Variants in DNMT1 observed in about 807,000 individuals in gnomAD.
DNMT1 encodes DNA (cytosine-5)-methyltransferase 1.
A neutral mutation model predicts 205.3 loss-of-function variants in DNMT1; 24 were observed. The observed-to-expected ratio is 0.12, with a 90% CI of 0.08 to 0.16. The LOEUF is 0.16. DNMT1 is among the 10% of genes least tolerant of loss of function. The pLI is 1.00. For synonymous variants in DNMT1, 817 were observed against 839.8 expected (o/e 0.97, Z 0.47); for missense variants, 1,293 against 2,177.7 (o/e 0.59, Z 8.09).
rs1222591228 is a variant in DNMT1, at chr19:10,135,230, A to G, written c.4773+506T>C. 2.8e-5 allele frequency among the ~76,000 whole-genome samples: 4 copies of G among 140,598 alleles called. No homozygotes were observed. In the East Asian group the frequency reaches 8.7e-4, roughly 30 times the overall value. 92.2% of individuals were successfully genotyped at this position (140,598 alleles called of 152,430 possible). A position where few individuals can be genotyped will look rare whatever the true frequency, so the allele number is the denominator to read the frequency against. On this transcript the variant is annotated intron_variant, in intron 39 of 40. Transcript: ENST00000359526. ...TCCATCTCAAAAAAAAAAAAAAAAA[A>G]GAGAGAGTGGCTGCTTCCCGAGAAC...
intron 5 of DNMT1, 180 bp downstream of exon 5, chr19:10,180,000 AAAAAAAG>A (rs1180851196): frequency 1.2e-5 from 3 of 241,306 alleles, no homozygotes; most frequent in South Asian, 5.1e-5. Flanking sequence ...TAAAAAAAAA[AAAAAAAG>A]AAAGAAAGAA....
chr19:10,174,448 G>A (rs1016459044), intron 7 of DNMT1, among the ~76,000 whole-genome samples: 1 of 152,038 alleles, frequency 6.6e-6, no homozygotes, highest in African/African-American at 2.4e-5. Context: ...AGACAGAACT[G>A]TAATCCCAAC....
At chr19:10,165,381 C>T (rs1257263333) in intron 11 of DNMT1, among the ~76,000 whole-genome samples, 1 of 152,110 alleles carries the variant, frequency 6.6e-6, no homozygotes, top group African/African-American at 2.4e-5. Context: ...CTGGGCACTG[C>T]TTTTATTATT....
rs202093243 is a variant in DNMT1 at position 10,143,906 on chromosome 19, G to A, written c.2976C>T (p.Tyr992=). 1.7e-5 allele frequency: 27 copies of A among 1,614,152 alleles called. 1 individual carries two copies. In the African/African-American group the frequency reaches 2.4e-4, roughly 14 times the overall value. ...GGTTGCTGCCTTTGATGTAGTCGGA[G>A]TATTTCCGGTAGTGCTCTGGGTACA... The part of the protein sequence containing the change: ...EDLYPEHYRK[Y]SDYIKGSNLD... Residue 992 remains tyrosine (Y), a synonymous_variant, in exon 29 of 41, where the codon TAC becomes TAT. Coordinates refer to ENST00000359526, the MANE Select transcript of DNMT1 (RefSeq NM_001130823.3).
At chr19:10,163,041 TGCAACCTCCACCTCCTGGCTTCTA>T in intron 12 of DNMT1, 1 of 546,360 alleles carries the variant, frequency 1.8e-6, no homozygotes, top group Non-Finnish European at 3.2e-6. Context: ...CTTGGCTCAC[TGCAACCTCCACCTCCTGGCTTCTA>T]GCAGTTCTGC....
At chr19:10,136,815 A>G (rs1280162855) in intron 37 of DNMT1, among the ~76,000 whole-genome samples, 1 of 151,316 alleles carries the variant, frequency 6.6e-6, no homozygotes, top group African/African-American at 2.4e-5. Context: ...CTGGAGTGCA[A>G]TGGCACAATC....
chr19:10,153,400 G>A (rs573821790), intron 22 of DNMT1, among the ~76,000 whole-genome samples: 9 of 152,218 alleles, frequency 5.9e-5, no homozygotes, highest in East Asian at 5.8e-4. Context: ...TTGGGAGGCC[G>A]AGGTAGGTAG....
intron 1 of DNMT1, among the ~76,000 whole-genome samples, chr19:10,185,160 T>C (rs2039153988): frequency 6.6e-6 from 1 of 152,176 alleles, no homozygotes; most frequent in Admixed American, 6.5e-5. Flanking sequence ...GCACGGTGGC[T>C]CACGCCTGTA....
chr19:10,144,664 G>A (rs757794498), intron 28 of DNMT1: 2 of 155,904 alleles, frequency 1.3e-5, no homozygotes, highest in South Asian at 2.0e-4. Flanking sequence ...TGACTCCAGC[G>A]GCCCAGATAT....
At chr19:10,186,848 A>AAAAAAAAAAAAAAAAAAAC (rs2039194155) in intron 1 of DNMT1, among the ~76,000 whole-genome samples, 1 of 151,076 alleles carries the variant, frequency 6.6e-6, no homozygotes, top group African/African-American at 2.4e-5. Flanking sequence ...CAAAAAAAAA[A>AAAAAAAAAAAAAAAAAAAC]AAAAAAAAAA....
chr19:10,192,904 A>C (rs1379227483), intron 1 of DNMT1, among the ~76,000 whole-genome samples: 1 of 151,986 alleles, frequency 6.6e-6, no homozygotes, highest in African/African-American at 2.4e-5. Context: ...AAAATTAGCC[A>C]GGCGTGGTGG....
intron 2 of DNMT1, among the ~76,000 whole-genome samples, chr19:10,181,819 ACT>A (rs2039052110): frequency 6.6e-6 from 1 of 151,982 alleles, no homozygotes; most frequent in African/African-American, 2.4e-5. Flanking sequence ...ACAGAGTGAG[ACT>A]CTGTCTCAAA....
At chr19:10,183,695 G>A (rs1303154735) in intron 1 of DNMT1, among the ~76,000 whole-genome samples, 2 of 152,020 alleles carry the variant, frequency 1.3e-5, no homozygotes, top group Non-Finnish European at 2.9e-5. Flanking sequence ...TGGCCAACAT[G>A]GCGAAACCCC....
At chr19:10,155,274 A>G (rs188087246) in intron 19 of DNMT1, among the ~76,000 whole-genome samples, 11 of 152,172 alleles carry the variant, frequency 7.2e-5, no homozygotes, top group Non-Finnish European at 1.6e-4. Context: ...GTAGGCCTTC[A>G]TTGAGCTCAT....
chr19:10,164,913 TAAAAAAAAAAAAAAAAAAA>T (rs535161745), intron 11 of DNMT1, among the ~76,000 whole-genome samples: 2,451 of 33,954 alleles, frequency 0.072, 57 homozygotes, highest in Non-Finnish European at 0.089. Context: ...GAGACTATCT[TAAAAAAAAAAAAAAAAAAA>T]AAAAAAAAAA....
rs7248120 is a variant in DNMT1 at position 10,173,785 on chromosome 19, C to T, written c.683+86G>A. On this transcript the variant is annotated intron_variant, in intron 8 of 40. Transcript: ENST00000359526. The stretch of plus-strand genomic sequence containing the variant: ...GAGATTACAGGCATGAGTCACCGTG[C>T]CCGGCCTTAAACTTTCTGAAAAAGT... The T allele has an allele frequency of 0.082, 121,471 of 1,477,178 alleles. 5,623 individuals carry two copies. Among genetic ancestry groups the T allele is most frequent in the Non-Finnish European group, 0.095 (100,416 of 1,057,664 alleles). 91.5% of individuals were successfully genotyped at this position (1,477,178 alleles called of 1,614,324 possible).
chr19:10,153,232 CA>C (rs2038386580), intron 22 of DNMT1, among the ~76,000 whole-genome samples: 1 of 152,162 alleles, frequency 6.6e-6, no homozygotes, highest in Non-Finnish European at 1.5e-5. Flanking sequence ...AGGTGCCTAT[CA>C]TTGAGGAGTA....
At chr19:10,141,333 G>A (rs182907742) in intron 30 of DNMT1, 144 bp from the exon 31 acceptor site, 1 of 779,328 alleles carries the variant, frequency 1.3e-6, no homozygotes, top group East Asian at 2.5e-5. Context: ...AGAGTAGTTT[G>A]ACTTTGCTAC....
At chr19:10,136,886 CA>C (rs2089493750) in intron 37 of DNMT1, among the ~76,000 whole-genome samples, 198 bp downstream of exon 37, 1 of 152,156 alleles carries the variant, frequency 6.6e-6, no homozygotes. Context: ...CTTGGTTTCC[CA>C]AAGTGCTGGG....
Sources: gnomAD v4.1 joint callset for allele counts (sites outside exome capture counted in the v4.1 genomes callset) on GRCh38, gnomAD v4.1.1 for gene constraint, MANE v1.5 for transcripts, NCBI Gene and HGNC (gene_info 2026-07-23, HGNC 2026-07-21) for gene names.